GNG7: variants seen among roughly 807,000 people sequenced by gnomAD.
GNG7 encodes guanine nucleotide-binding protein G(I)/G(S)/G(O) subunit gamma-7.
GNG7 carries 1 observed loss-of-function variant against 4.0 expected under a neutral mutation model. The ratio of observed to expected loss-of-function variants is 0.25; its 90% confidence interval spans 0.09 to 1.18. The LOEUF (loss-of-function observed/expected upper bound fraction) is 1.18. Among genes scored for constraint, GNG7 ranks in the 50% most tolerant of loss-of-function variants. GNG7 has a pLI of 0.50. For missense variants in GNG7, 86 were observed against 91.9 expected (o/e 0.94, Z 0.26); for synonymous variants, 34 against 36.9 (o/e 0.92, Z 0.29).
At chr19:2,552,821 G>C (rs76776729) in intron 3 of GNG7, among the ~76,000 whole-genome samples, 5,247 of 145,832 alleles carry the variant, frequency 0.036, 131 homozygotes, top group African/African-American at 0.058. Context: ...TAATGCGTTT[G>C]AATCGTCCCC....
intron 2 of GNG7, among the ~76,000 whole-genome samples, chr19:2,587,151 G>T (rs1012522682): frequency 5.9e-5 from 9 of 152,080 alleles, no homozygotes; most frequent in South Asian, 4.1e-4. Context: ...GGACCCCTGG[G>T]TTGGAGGTTT....
At chr19:2,538,566 A>G (rs923707603) in intron 3 of GNG7, 3 of 355,906 alleles carry the variant, frequency 8.4e-6, no homozygotes, top group Non-Finnish European at 1.1e-5. Flanking sequence ...AGGAGTTGGA[A>G]GCTGAAGTGA....
chr19:2,657,059 C>A (rs558895952), intron 1 of GNG7, among the ~76,000 whole-genome samples: 1 of 151,486 alleles, frequency 6.6e-6, no homozygotes, highest in Non-Finnish European at 1.5e-5. Context: ...TCATTACAGG[C>A]GCGGTGGCTC....
intron 2 of GNG7, among the ~76,000 whole-genome samples, chr19:2,566,893 A>G (rs1216381253): frequency 6.6e-6 from 1 of 152,160 alleles, no homozygotes; most frequent in Non-Finnish European, 1.5e-5. Flanking sequence ...ATCTGAGGCC[A>G]GGAGTTCGAG....
chr19:2,579,794 G>A (rs962655572), intron 2 of GNG7, among the ~76,000 whole-genome samples: 1 of 152,158 alleles, frequency 6.6e-6, no homozygotes, highest in Non-Finnish European at 1.5e-5. Flanking sequence ...TGGGTGTCCT[G>A]GGGCTGCCGT....
At chr19:2,588,950 A>G (rs909450023) in intron 2 of GNG7, among the ~76,000 whole-genome samples, 44 of 152,096 alleles carry the variant, frequency 2.9e-4, no homozygotes, top group African/African-American at 9.7e-4. Flanking sequence ...CTTCTTTAAG[A>G]TGGAGTCTCC....
intron 2 of GNG7, chr19:2,632,474 TCACACACACACA>T (rs10545211): frequency 9.8e-5 from 13 of 132,042 alleles, no homozygotes; most frequent in South Asian, 9.7e-4. Flanking sequence ...TAAACAAAAC[TCACACACACACA>T]CACACACACA....
At chr19:2,541,109 G>A (rs1194636110) in intron 3 of GNG7, among the ~76,000 whole-genome samples, 2 of 152,356 alleles carry the variant, frequency 1.3e-5, no homozygotes, top group African/African-American at 4.8e-5. Context: ...AGAGAGGCGA[G>A]GGAGCGGGAG....
At chr19:2,691,540 T>G (rs1913135533) in intron 1 of GNG7, among the ~76,000 whole-genome samples, 1 of 149,476 alleles carries the variant, frequency 6.7e-6, no homozygotes, top group African/African-American at 2.5e-5. Flanking sequence ...CAAGACTCTG[T>G]CTCAAAAAAA....
At position 2,633,556 on chromosome 19, in the gene GNG7, G is replaced by A. The variant is rs1201121701; in HGVS notation, c.-78+12668C>T. 1.3e-5 allele frequency among the ~76,000 whole-genome samples: 2 copies of A among 151,544 alleles called. No homozygotes were observed. Among genetic ancestry groups the A allele is most frequent in the East Asian group, 3.9e-4 (2 of 5,144 alleles). ...TGGCTGTGGTCTGCACACTGGGCTG[G>A]GGTACTCAGATCCCCGGGCTCGGTG... is the stretch of plus-strand genomic sequence containing the variant. On this transcript the variant is annotated intron_variant, in intron 2 of 4. Transcript: ENST00000382159. The surrounding 1 kb of genome is among the most constrained non-coding windows in gnomAD (Gnocchi z 5.9).
At chr19:2,641,367 G>A (rs146651052) in intron 2 of GNG7, among the ~76,000 whole-genome samples, 248 of 152,322 alleles carry the variant, frequency 1.6e-3, no homozygotes, top group Admixed American at 3.1e-3. Flanking sequence ...CAGATGGGAT[G>A]AAGTTAAGGA....
intron 2 of GNG7, among the ~76,000 whole-genome samples, chr19:2,601,793 G>A (rs1170359583): frequency 6.6e-6 from 1 of 151,958 alleles, no homozygotes; most frequent in East Asian, 1.9e-4. Context: ...TGTAGTCCCA[G>A]CTACTAGGGA....
intron 3 of GNG7, among the ~76,000 whole-genome samples, chr19:2,550,354 A>C (rs1221273560): frequency 6.6e-6 from 1 of 152,182 alleles, no homozygotes; most frequent in Admixed American, 6.5e-5. Context: ...AGTAGCTGGT[A>C]GCTGGGATTA....
In GNG7 at chr19:2,568,405, CATAT is replaced by C. The variant is rs367892463; in HGVS notation, c.-77-13221_-77-13218del. On this transcript the variant is annotated intron_variant, in intron 2 of 4. Coordinates refer to ENST00000382159, the MANE Select transcript of GNG7 (RefSeq NM_052847.3). Reference sequence around the variant, plus strand: ...CACATATACAACACAAACACACACACATATACACATAGACATACACACATACATA... The same window carrying C: ...CACATATACAACACAAACACACACACACACATAGACATACACACATACATA... 8.6e-5 allele frequency among the ~76,000 whole-genome samples: 11 copies of C among 127,848 alleles called. No homozygotes were observed. In the East Asian group the frequency reaches 2.5e-3, roughly 29 times the overall value. The allele number at this position is 127,848 out of a possible 152,430, so 83.9% of individuals were successfully genotyped here. A position where few individuals can be genotyped will look rare whatever the true frequency, so the allele number is the denominator to read the frequency against.
chr19:2,612,706 AATT>A (rs1981607709), intron 2 of GNG7, among the ~76,000 whole-genome samples: 1 of 118,420 alleles, frequency 8.4e-6, no homozygotes, highest in Non-Finnish European at 1.6e-5. Context: ...TTTTTTGAGA[AATT>A]TTTTTTTTTT....
In GNG7 at chr19:2,626,690, G is replaced by T. The variant is rs915259566; in HGVS notation, c.-78+19534C>A. Among the ~76,000 whole-genome samples, 1 of 152,170 alleles carries T rather than the reference G, an allele frequency of 6.6e-6. No individual in the cohort carries two copies. The highest frequency in any genetic ancestry group is 1.5e-5 in the Non-Finnish European group (1 of 68,028). ...GTCTTCATCGGTTCACTCAATCAGG[G>T]TCTCAACTGGGGTAATTCTGTCCCC... On this transcript the variant is annotated intron_variant, in intron 2 of 4. Transcript: ENST00000382159. The surrounding 1 kb of genome is among the most constrained non-coding windows in gnomAD (Gnocchi z 5.0).
chr19:2,526,994 C>T (rs1185007271), intron 3 of GNG7, among the ~76,000 whole-genome samples: 15 of 151,898 alleles, frequency 9.9e-5, no homozygotes, highest in Admixed American at 5.9e-4. Context: ...TACAGGCGCG[C>T]GCCACCACAC....
intron 1 of GNG7, among the ~76,000 whole-genome samples, chr19:2,657,337 TAAAAAAAAAAAAA>T (rs372388972): frequency 2.7e-3 from 38 of 13,898 alleles, no homozygotes; most frequent in Non-Finnish European, 3.2e-3. Context: ...CCGTCTCAAT[TAAAAAAAAAAAAA>T]AAAAAAAAAA....
At chr19:2,591,320 C>T (rs1249446256) in intron 2 of GNG7, among the ~76,000 whole-genome samples, 6 of 152,116 alleles carry the variant, frequency 3.9e-5, no homozygotes, top group Non-Finnish European at 7.3e-5. Context: ...CATACTACTC[C>T]GCCTCCTCTC....
Sources: allele counts gnomAD v4.1 joint callset (sites outside exome capture counted in the v4.1 genomes callset), GRCh38; gene constraint gnomAD v4.1.1; non-coding constraint Gnocchi (gnomAD v3.1); transcripts MANE v1.5; gene names NCBI Gene and HGNC (gene_info 2026-07-23, HGNC 2026-07-21).